NHS: variants seen among roughly 807,000 people sequenced by gnomAD.
NHS encodes actin remodeling regulator NHS.
A neutral mutation model predicts 72.5 loss-of-function variants in NHS; 5 were observed. The ratio of observed to expected loss-of-function variants is 0.07; its 90% confidence interval spans 0.04 to 0.14. The LOEUF (loss-of-function observed/expected upper bound fraction) is 0.14, where lower values mean the gene tolerates loss of function less well. NHS is among the 10% of genes least tolerant of loss of function. The probability of loss-of-function intolerance (pLI) is 1.00; values close to 1 mark genes in which losing one functional copy is unlikely to be tolerated. For missense variants in NHS, 1,072 were observed against 1,355.7 expected, an observed-to-expected ratio of 0.79 and a Z score of 3.29; for synonymous variants, 464 against 547.7, an observed-to-expected ratio of 0.85 and a Z score of 2.13.
At chrX:17,480,909 G>C (rs1013005745) in intron 1 of NHS, among the ~76,000 whole-genome samples, 3 of 111,630 alleles carry the variant, frequency 2.7e-5, no homozygotes, top group African/African-American at 6.5e-5. Flanking sequence ...ATGGAGCCAA[G>C]TGTATGGTCT....
At chrX:17,590,507 A>T (rs1244135836) in intron 1 of NHS, among the ~76,000 whole-genome samples, 1 of 112,043 alleles carries the variant, frequency 8.9e-6, no homozygotes, top group Non-Finnish European at 1.9e-5. Flanking sequence ...AAAATTATTT[A>T]AAAAGGGCAG....
chrX:17,678,975 G>A (rs1460602355), intron 1 of NHS, among the ~76,000 whole-genome samples: 1 of 111,189 alleles, frequency 9.0e-6, no homozygotes, highest in Non-Finnish European at 1.9e-5. Context: ...AGAGCTGCTG[G>A]ACATGTCAAC....
At chrX:17,530,040 C>G (rs1056500469) in intron 1 of NHS, among the ~76,000 whole-genome samples, 3 of 111,042 alleles carry the variant, frequency 2.7e-5, no homozygotes, top group Non-Finnish European at 3.8e-5. Flanking sequence ...TTTCTTCCCT[C>G]TATTTCTGGG....
chrX:17,527,093 C>T (rs1317698679), intron 1 of NHS, among the ~76,000 whole-genome samples: 1 of 112,574 alleles, frequency 8.9e-6, no homozygotes, highest in Non-Finnish European at 1.9e-5. Flanking sequence ...CCTTCTGTGA[C>T]CAGTTCACCC....
chrX:17,653,244 T>C (rs1862009039), intron 1 of NHS, among the ~76,000 whole-genome samples: 1 of 111,918 alleles, frequency 8.9e-6, no homozygotes, highest in South Asian at 3.7e-4. Context: ...TAAGCAACTC[T>C]ATAAATTAGG....
At chrX:17,443,494 G>A (rs1287429263) in intron 1 of NHS, among the ~76,000 whole-genome samples, 1 of 111,727 alleles carries the variant, frequency 9.0e-6, no homozygotes, top group Non-Finnish European at 1.9e-5. Context: ...AGGAGGTGGT[G>A]AGGAATACTC....
chrX:17,656,241 T>C (rs895323888), intron 1 of NHS, among the ~76,000 whole-genome samples: 8 of 112,991 alleles, frequency 7.1e-5, no homozygotes, highest in Admixed American at 6.4e-4. Context: ...AGGGGAACGA[T>C]GCACGGGCGG....
intron 1 of NHS, among the ~76,000 whole-genome samples, chrX:17,610,763 C>T (rs950047215): frequency 1.8e-5 from 2 of 112,256 alleles, no homozygotes; most frequent in South Asian, 3.7e-4. Context: ...ACTTTGTCCC[C>T]GTTTATTAAG....
chrX:17,677,423 C>T (rs1373360927), intron 1 of NHS, among the ~76,000 whole-genome samples: 1 of 110,947 alleles, frequency 9.0e-6, no homozygotes, highest in Admixed American at 9.6e-5. Context: ...ATGTACCTTG[C>T]TGATATATAT....
intron 1 of NHS, among the ~76,000 whole-genome samples, chrX:17,676,376 TTCTC>T (rs993290609): frequency 8.9e-6 from 1 of 111,862 alleles, no homozygotes; most frequent in Non-Finnish European, 1.9e-5. Context: ...GCCTCCTTTC[TTCTC>T]TATTTTTCCC....
At chrX:17,426,051 C>T (rs753344959) in intron 1 of NHS, 27 of 111,922 alleles carry the variant, frequency 2.4e-4, no homozygotes, top group African/African-American at 8.5e-4. Context: ...TTCCTAAACC[C>T]GTGATGTAGA....
chrX:17,550,391 C>T (rs777340996), intron 1 of NHS, among the ~76,000 whole-genome samples: 2 of 112,355 alleles, frequency 1.8e-5, no homozygotes, highest in East Asian at 2.8e-4. Context: ...CCTCTAGTGG[C>T]ACTATGGTGT....
intron 1 of NHS, among the ~76,000 whole-genome samples, chrX:17,554,957 G>A (rs1002313504): frequency 2.8e-4 from 31 of 110,179 alleles, no homozygotes; most frequent in African/African-American, 8.3e-4. Context: ...CCATCAACCC[G>A]TCATCTACGT....
chrX:17,733,907 T>G lies in NHS; in HGVS notation c.*1443T>G, dbSNP rs1240132806. 2 of 111,580 alleles carry G rather than the reference T, an allele frequency of 1.8e-5. No homozygotes were observed. Among genetic ancestry groups the G allele is most frequent in the African/African-American group, 6.6e-5 (2 of 30,533 alleles). 9.2% of individuals were successfully genotyped at this position (111,580 alleles called of 1,213,427 possible). On this transcript the variant is annotated 3_prime_UTR_variant, in exon 9 of 9. Coordinates refer to ENST00000676302, the MANE Select transcript of NHS (RefSeq NM_001291867.2). Reference sequence around the variant, plus strand: ...AGGCAGGGAAACAAGCTGAATTACTTGAAATTACTTGAATTTTCTTGTCTT... The same window carrying G: ...AGGCAGGGAAACAAGCTGAATTACTGGAAATTACTTGAATTTTCTTGTCTT...
chrX:17,424,531 A>G (rs1324959742), intron 1 of NHS, among the ~76,000 whole-genome samples: 2 of 111,790 alleles, frequency 1.8e-5, no homozygotes, highest in Non-Finnish European at 3.8e-5. Flanking sequence ...AAGCATGTCC[A>G]CCGCTCTTGC....
chrX:17,377,302 A>T (rs1416538014), intron 1 of NHS, among the ~76,000 whole-genome samples: 1 of 112,346 alleles, frequency 8.9e-6, no homozygotes, highest in Non-Finnish European at 1.9e-5. Flanking sequence ...TAGTCATTCT[A>T]TGTCATCTCC....
At chrX:17,582,113 T>C (rs1408067725) in intron 1 of NHS, among the ~76,000 whole-genome samples, 1 of 111,652 alleles carries the variant, frequency 9.0e-6, no homozygotes, top group African/African-American at 3.3e-5. Context: ...AGGCCTCAAA[T>C]TTATTCAGTT....
intron 1 of NHS, among the ~76,000 whole-genome samples, chrX:17,446,565 T>C (rs2064781598): frequency 9.2e-6 from 1 of 108,180 alleles, no homozygotes. Context: ...ATCCAAATCC[T>C]ATAAAATGGC....
intron 1 of NHS, among the ~76,000 whole-genome samples, chrX:17,487,995 C>A (rs1476294752): frequency 9.0e-6 from 1 of 111,096 alleles, no homozygotes; most frequent in Admixed American, 9.6e-5. Flanking sequence ...GAACAAGTCT[C>A]GAAACCAGCA....
Sources: allele counts gnomAD v4.1 joint callset (sites outside exome capture counted in the v4.1 genomes callset), GRCh38; gene constraint gnomAD v4.1.1; transcripts MANE v1.5; gene names NCBI Gene and HGNC (gene_info 2026-07-23, HGNC 2026-07-21).